VMP1: variants seen among roughly 807,000 people sequenced by gnomAD.
The protein encoded by VMP1 is vacuole membrane protein 1.
Under a neutral mutation model 56.0 loss-of-function variants are expected in VMP1, and 11 were observed. The observed-to-expected ratio is 0.20, with a 90% CI of 0.12 to 0.32. VMP1 has a LOEUF of 0.32. Ranked by LOEUF, VMP1 falls within the 10% of genes least tolerant of loss-of-function variation. The pLI is 1.00. For missense variants in VMP1, 296 were observed against 490.3 expected, an observed-to-expected ratio of 0.60 and a Z score of 3.74; for synonymous variants, 149 against 165.0, an observed-to-expected ratio of 0.90 and a Z score of 0.74.
At chr17:59,792,506 T>A (rs2037267324) in intron 7 of VMP1, among the ~76,000 whole-genome samples, 1 of 152,130 alleles carries the variant, frequency 6.6e-6, no homozygotes, top group South Asian at 2.1e-4. Flanking sequence ...CTAGTATTAT[T>A]GTTATGTTTT....
At chr17:59,770,990 G>GT (rs375707243) in intron 6 of VMP1, among the ~76,000 whole-genome samples, 2,577 of 140,038 alleles carry the variant, frequency 0.018, 49 homozygotes, top group African/African-American at 0.054. Context: ...GATAAATTGT[G>GT]TTTTTTTTTT....
At chr17:59,807,434 T>G (rs2037883449) in intron 7 of VMP1, among the ~76,000 whole-genome samples, 1 of 151,816 alleles carries the variant, frequency 6.6e-6, no homozygotes, top group African/African-American at 2.4e-5. Context: ...CCTGACCTTG[T>G]GATCCGCCTG....
At chr17:59,796,572 G>C (rs924487700) in intron 7 of VMP1, among the ~76,000 whole-genome samples, 1 of 152,212 alleles carries the variant, frequency 6.6e-6, no homozygotes, top group South Asian at 2.1e-4. Flanking sequence ...AATTGAGTGT[G>C]CACAAAAAGT....
intron 10 of VMP1, among the ~76,000 whole-genome samples, chr17:59,832,560 C>T (rs2038845269): frequency 1.4e-5 from 2 of 144,254 alleles, no homozygotes; most frequent in Non-Finnish European, 3.0e-5. Flanking sequence ...TTCTATGTCA[C>T]AAAATTGTAG....
chr17:59,789,160 C>G (rs1259381955), intron 7 of VMP1, among the ~76,000 whole-genome samples: 3 of 149,894 alleles, frequency 2.0e-5, no homozygotes, highest in Non-Finnish European at 4.4e-5. Context: ...CGTGGTGGCA[C>G]GCACCTGTAG....
intron 1 of VMP1, among the ~76,000 whole-genome samples, chr17:59,723,934 G>A (rs975863427): frequency 1.3e-5 from 2 of 152,166 alleles, no homozygotes; most frequent in African/African-American, 4.8e-5. Context: ...ATGTAACAGG[G>A]CTGGATATGG....
intron 6 of VMP1, among the ~76,000 whole-genome samples, chr17:59,770,586 CT>C (rs532416792): frequency 1.0e-3 from 148 of 144,432 alleles, no homozygotes; most frequent in African/African-American, 8.8e-4. Context: ...ACGTTTATTT[CT>C]TTTTTTTTTT....
chr17:59,745,309 T>C (rs2035383606), intron 5 of VMP1, among the ~76,000 whole-genome samples: 1 of 152,244 alleles, frequency 6.6e-6, no homozygotes, highest in Non-Finnish European at 1.5e-5. Flanking sequence ...AAATGAATTA[T>C]CTCACTTAGG....
At chr17:59,788,850 T>C (rs1054361590) in intron 7 of VMP1, among the ~76,000 whole-genome samples, 1 of 151,516 alleles carries the variant, frequency 6.6e-6, no homozygotes, top group Non-Finnish European at 1.5e-5. Flanking sequence ...GTGTTATGTC[T>C]GCTTGTTCTT....
intron 5 of VMP1, among the ~76,000 whole-genome samples, chr17:59,760,605 T>A (rs2036013967): frequency 6.6e-6 from 1 of 152,062 alleles, no homozygotes; most frequent in Non-Finnish European, 1.5e-5. Flanking sequence ...GCAGTTTGAT[T>A]ATGTTTTATT....
intron 8 of VMP1, 114 bp downstream of exon 8, chr17:59,808,990 G>C (rs1185489232): frequency 1.2e-6 from 1 of 808,630 alleles, no homozygotes; most frequent in Non-Finnish European, 1.8e-6. Context: ...ATGTAATTTT[G>C]TGAATCATTC....
At chr17:59,757,254 TA>T (rs2035875422) in intron 5 of VMP1, among the ~76,000 whole-genome samples, 1 of 141,130 alleles carries the variant, frequency 7.1e-6, no homozygotes, top group African/African-American at 3.1e-5. Flanking sequence ...GATAGATAGA[TA>T]GATAGATAGA....
At chr17:59,817,295 A>AG (rs2038276390) in intron 9 of VMP1, among the ~76,000 whole-genome samples, 2 of 151,140 alleles carry the variant, frequency 1.3e-5, no homozygotes, top group Non-Finnish European at 2.9e-5. Flanking sequence ...AAAAAAAAAA[A>AG]AAAAAAAAAG....
chr17:59,788,038 T>A (rs183218590), intron 7 of VMP1, among the ~76,000 whole-genome samples: 5 of 152,238 alleles, frequency 3.3e-5, no homozygotes, highest in Admixed American at 2.6e-4. Flanking sequence ...AAACTAAATT[T>A]AAAAAAATTA....
intron 1 of VMP1, among the ~76,000 whole-genome samples, chr17:59,715,734 TTG>T (rs1435285183): frequency 3.9e-5 from 6 of 152,350 alleles, no homozygotes; most frequent in Admixed American, 6.5e-5. Context: ...TTTGTTAAAT[TTG>T]TCTCTAAATA....
At position 59,790,646 on chromosome 17, in the gene VMP1, C is replaced by T. The variant is rs553288266; in HGVS notation, c.714+16761C>T. On this transcript the variant is annotated intron_variant, in intron 7 of 11. Coordinates refer to ENST00000262291, the MANE Select transcript of VMP1 (RefSeq NM_030938.5). ...CTCTACTAAAAATACAAAAATTAGC[C>T]GGGCAGTAGTGGCATGTGCCTGTAA... Among the ~76,000 whole-genome samples the T allele has an allele frequency of 8.5e-5, 13 of 152,108 alleles. No homozygotes were observed. The South Asian group carries it at 1.9e-3, about 22-fold the overall frequency.
chr17:59,789,835 C>CTTTTTTTTTTTTTTTT (rs754631557), intron 7 of VMP1, among the ~76,000 whole-genome samples: 7 of 85,978 alleles, frequency 8.1e-5, no homozygotes, highest in East Asian at 8.4e-4. Context: ...CTTTCTTTCC[C>CTTTTTTTTTTTTTTTT]TTTTTTTTTT....
At chr17:59,769,209 G>A (rs2144013095) in intron 6 of VMP1, among the ~76,000 whole-genome samples, 2 of 148,914 alleles carry the variant, frequency 1.3e-5, no homozygotes, top group Admixed American at 1.3e-4. Flanking sequence ...AGGGTGGAGT[G>A]CAATGGCACA....
intron 5 of VMP1, among the ~76,000 whole-genome samples, chr17:59,746,263 C>T (rs757032524): frequency 1.4e-4 from 21 of 152,260 alleles, no homozygotes; most frequent in Non-Finnish European, 2.8e-4. Flanking sequence ...CACCGCCTCC[C>T]GGGTTCAAGC....
Sources: allele counts gnomAD v4.1 joint callset (sites outside exome capture counted in the v4.1 genomes callset), GRCh38; gene constraint gnomAD v4.1.1; transcripts MANE v1.5; gene names NCBI Gene and HGNC (gene_info 2026-07-23, HGNC 2026-07-21).